The following PLEK variants were observed in gnomAD, a reference collection of about 807,000 sequenced individuals.
PLEK encodes pleckstrin, also known as platelet 47 kDa protein.
PLEK carries 25 observed loss-of-function variants against 43.9 expected under a neutral mutation model. The observed-to-expected ratio is 0.57, with a 90% CI of 0.41 to 0.79. PLEK has a LOEUF of 0.79. Among genes scored for constraint, PLEK ranks in the 30% least tolerant of loss-of-function variants. The pLI is 0.00. For missense variants in PLEK, 396 were observed against 413.3 expected, an observed-to-expected ratio of 0.96 and a Z score of 0.36; for synonymous variants, 152 against 144.4, an observed-to-expected ratio of 1.05 and a Z score of -0.38.
intron 3 of PLEK, among the ~76,000 whole-genome samples, chr2:68,381,908 A>C (rs1228800757): frequency 6.6e-6 from 1 of 152,202 alleles, no homozygotes; most frequent in African/African-American, 2.4e-5. Context: ...TAAGTGGGAA[A>C]AATGCTCGGG....
rs577781007 is a variant in PLEK at position 68,389,055 on chromosome 2, C to G, written c.762+564C>G. ...CATGGACAGAGTCCTGGGGGGATGT[C>G]CAGGTGTCCACAGGTACAGGCCACC... On this transcript the variant is annotated intron_variant, in intron 6 of 8. Transcript: ENST00000234313. Among the ~76,000 whole-genome samples, 186 of 152,300 alleles carry G rather than the reference C, an allele frequency of 1.2e-3. 1 individual carries two copies. The highest frequency in any genetic ancestry group is 4.4e-3 in the African/African-American group (181 of 41,562).
chr2:68,369,315 C>T (rs1015973343), intron 1 of PLEK, among the ~76,000 whole-genome samples: 1 of 152,172 alleles, frequency 6.6e-6, no homozygotes, highest in African/African-American at 2.4e-5. Context: ...GTTTGCAACC[C>T]AGCAGTGTGG....
intron 1 of PLEK, among the ~76,000 whole-genome samples, chr2:68,371,797 G>GT (rs55900996): frequency 0.34 from 51,750 of 151,048 alleles, 9,780 homozygotes; most frequent in East Asian, 0.73. Flanking sequence ...AACGAGTTTA[G>GT]TTTTTTTTTG....
chr2:68,382,425 G>C (rs1385954686), intron 3 of PLEK, 117 bp from the exon 4 acceptor site: 1 of 631,134 alleles, frequency 1.6e-6, no homozygotes, highest in East Asian at 2.7e-5. Flanking sequence ...GGATACCTGG[G>C]GTGGGGGAGC....
Position 68,386,591 on chromosome 2 carries a change from G to T in PLEK, c.562G>T (p.Gly188Trp). The T allele has an allele frequency of 6.2e-7, 1 of 1,613,594 alleles. No homozygotes were observed. Among genetic ancestry groups the T allele is most frequent in the East Asian group, 2.2e-5 (1 of 44,888 alleles). ...GATTGCTTCATCGCTGCTCAATGAG[G>T]GGTATCTGCAGCCTGCTGGAGACAT... is the stretch of plus-strand genomic sequence containing the variant. ...LMIASSLLNE[G>W]YLQPAGDMSK... is the part of the protein sequence containing the mutation. Residue 188 changes from glycine (G) to tryptophan (W), a missense_variant, in exon 5 of 9, where the codon GGG (glycine) becomes TGG (tryptophan). Gly to Trp is a radical substitution (Grantham distance 184, BLOSUM62 -2). Coordinates refer to ENST00000234313, the MANE Select transcript of PLEK (RefSeq NM_002664.3).
chr2:68,387,764 G>A (rs1051824873), intron 5 of PLEK, among the ~76,000 whole-genome samples: 1 of 145,270 alleles, frequency 6.9e-6, no homozygotes, highest in Non-Finnish European at 1.5e-5. Context: ...TTTAGGGGAA[G>A]TTCCACAGTC....
chr2:68,368,720 A>C (rs546773774), intron 1 of PLEK, among the ~76,000 whole-genome samples: 30 of 152,338 alleles, frequency 2.0e-4, no homozygotes, highest in Middle Eastern at 3.4e-3. Flanking sequence ...ATGAGAGAAG[A>C]GCAAATTATA....
intron 1 of PLEK, among the ~76,000 whole-genome samples, chr2:68,380,032 A>T (rs1180932484): frequency 2.0e-5 from 3 of 152,170 alleles, no homozygotes; most frequent in African/African-American, 4.8e-5. Flanking sequence ...TGAGGTGGCT[A>T]AGCTGAGCCT....
intron 8 of PLEK, among the ~76,000 whole-genome samples, chr2:68,395,213 T>C (rs1000355893): frequency 6.7e-6 from 1 of 149,560 alleles, no homozygotes; most frequent in African/African-American, 2.4e-5. Flanking sequence ...ATCTGTATTA[T>C]AAATATAAAT....
At chr2:68,387,966 G>T (rs187878937) in intron 5 of PLEK, 1 of 158,202 alleles carries the variant, frequency 6.3e-6, no homozygotes, top group Admixed American at 6.4e-5. Flanking sequence ...TCTCCAAGAG[G>T]GGGCTCAGTG....
Position 68,380,916 on chromosome 2 carries a change from T to A in PLEK, c.380+12T>A. 6.2e-7 allele frequency: 1 copy of A among 1,608,034 alleles called. No individual in the cohort carries two copies. The highest frequency in any genetic ancestry group is 8.5e-7 in the Non-Finnish European group (1 of 1,175,832). On this transcript the variant is annotated intron_variant, in intron 3 of 8. Transcript: ENST00000234313. ...ACCATTGACTTAGGGTGATTTTCTG[T>A]GTTTACTTCTCTTTACCCATTCCTT...
Position 68,386,488 on chromosome 2 carries a change from C to T in PLEK, c.473-14C>T, listed in dbSNP as rs1416894154. ...GTAAGGAGAGTTAACCTTCCCTGTG[C>T]TGGTCCCATCTAGGTAACTGCGTCA... On this transcript the variant is annotated splice_polypyrimidine_tract_variant and intron_variant, in intron 4 of 8. Coordinates refer to ENST00000234313, the MANE Select transcript of PLEK (RefSeq NM_002664.3). The T allele has an allele frequency of 2.5e-6, 4 of 1,609,316 alleles. No individual in the cohort carries two copies.
chr2:68,386,790 G>C, intron 5 of PLEK, 104 bp downstream of exon 5: 2 of 819,402 alleles, frequency 2.4e-6, no homozygotes, highest in Non-Finnish European at 3.9e-6. Context: ...GTTAGGCAGC[G>C]GGTAGGGAGG....
At chr2:68,393,716 C>T (rs1542135) in intron 7 of PLEK, among the ~76,000 whole-genome samples, 37,254 of 152,058 alleles carry the variant, frequency 0.24, 5,152 homozygotes, top group Middle Eastern at 0.37. Context: ...GCTCACCCTC[C>T]GCTTGCAGCA....
intron 1 of PLEK, among the ~76,000 whole-genome samples, chr2:68,376,393 C>T (rs893760889): frequency 6.6e-6 from 1 of 152,052 alleles, no homozygotes; most frequent in Non-Finnish European, 1.5e-5. Context: ...AATGACAGTC[C>T]TCCTTTCCCC....
intron 1 of PLEK, among the ~76,000 whole-genome samples, chr2:68,377,278 A>G (rs1007644953): frequency 6.6e-5 from 10 of 152,148 alleles, no homozygotes; most frequent in African/African-American, 2.4e-4. Context: ...TCTTTACAGT[A>G]TATACCCCCC....
In PLEK at chr2:68,386,593, G is replaced by T. The variant is rs766094224; in HGVS notation, c.564G>T (p.Gly188=). 2 of 1,613,370 alleles carry T rather than the reference G, an allele frequency of 1.2e-6. No homozygotes were observed. The highest frequency in any genetic ancestry group is 1.7e-6 in the Non-Finnish European group (2 of 1,179,298). The change falls in exon 5 of 9, where the codon GGG becomes GGT. Residue 188 remains glycine (G), a synonymous_variant. Coordinates refer to ENST00000234313, the MANE Select transcript of PLEK (RefSeq NM_002664.3). ...LMIASSLLNE[G]YLQPAGDMSK... ...TTGCTTCATCGCTGCTCAATGAGGG[G>T]TATCTGCAGCCTGCTGGAGACATGT...
At chr2:68,388,841 C>T (rs1443503830) in intron 6 of PLEK, among the ~76,000 whole-genome samples, 2 of 152,160 alleles carry the variant, frequency 1.3e-5, no homozygotes, top group African/African-American at 4.8e-5. Flanking sequence ...TCCATTTTAC[C>T]TGTCCCTCCT....
At chr2:68,386,141 C>T (rs1448873260) in intron 4 of PLEK, among the ~76,000 whole-genome samples, 1 of 133,152 alleles carries the variant, frequency 7.5e-6, no homozygotes, top group Non-Finnish European at 1.6e-5. Context: ...TTTTAGGGTA[C>T]ATATTTTTTG....
Sources: gnomAD v4.1 joint callset for allele counts (sites outside exome capture counted in the v4.1 genomes callset) on GRCh38, gnomAD v4.1.1 for gene constraint, MANE v1.5 for transcripts, NCBI Gene and HGNC (gene_info 2026-07-23, HGNC 2026-07-21) for gene names.